The following AGBL1 variants were observed in gnomAD, a reference collection of about 807,000 sequenced individuals.
AGBL1 encodes the protein cytosolic carboxypeptidase 4.
Under a neutral mutation model 118.9 loss-of-function variants are expected in AGBL1, and 130 were observed. The observed-to-expected ratio is 1.09, with a 90% CI of 0.95 to 1.26. AGBL1 has a LOEUF of 1.26. Ranked by LOEUF, AGBL1 falls within the 50% of genes most tolerant of loss-of-function variation. The probability of loss-of-function intolerance (pLI) is 0.00; values close to 1 mark genes in which losing one functional copy is unlikely to be tolerated. For missense variants in AGBL1, 1,584 were observed against 1,298.1 expected, an observed-to-expected ratio of 1.22 and a Z score of -3.38; for synonymous variants, 555 against 478.9, an observed-to-expected ratio of 1.16 and a Z score of -2.08.
chr15:86,234,237 C>G (rs2078501376), intron 6 of AGBL1, among the ~76,000 whole-genome samples: 1 of 151,992 alleles, frequency 6.6e-6, no homozygotes, highest in African/African-American at 2.4e-5. Flanking sequence ...TCCCTGTAAG[C>G]TCAGAACTCT....
At chr15:86,393,771 C>T (rs575372077) in intron 17 of AGBL1, among the ~76,000 whole-genome samples, 14 of 152,094 alleles carry the variant, frequency 9.2e-5, no homozygotes, top group African/African-American at 2.2e-4. Context: ...ATATGTATGT[C>T]CTCCCAAAAT....
rs111914137 is a variant in AGBL1, at chr15:86,883,430, G to C, written c.3159-23657G>C. On this transcript the variant is annotated intron_variant, in intron 22 of 22. Coordinates refer to ENST00000614907, the MANE Select transcript of AGBL1 (RefSeq NM_001386094.1). ...TCTCCCATAATGCAGGATTTTGTGT[G>C]TGTGAGTCTTCTCCCTGTAGTGTCC... Among the ~76,000 whole-genome samples, 12 of 152,302 alleles carry C rather than the reference G, an allele frequency of 7.9e-5. 2 individuals are homozygous for C. The highest frequency in any genetic ancestry group is 2.9e-4 in the African/African-American group (12 of 41,570).
chr15:86,289,523 T>C (rs1314149583), intron 16 of AGBL1, among the ~76,000 whole-genome samples: 1 of 152,216 alleles, frequency 6.6e-6, no homozygotes, highest in Non-Finnish European at 1.5e-5. Context: ...ATGATGTTTT[T>C]ATGTGCCTTT....
Position 86,154,470 on chromosome 15 carries a change from T to C in AGBL1, c.303T>C (p.Leu101=). 6.2e-7 allele frequency: 1 copy of C among 1,613,006 alleles called. No homozygotes were observed. The highest frequency in any genetic ancestry group is 8.5e-7 in the Non-Finnish European group (1 of 1,179,494). The change falls in exon 4 of 23, where the codon CTT becomes CTC. Residue 101 remains leucine (L), a synonymous_variant. Transcript: ENST00000614907. ...IGRKALELEA[L]DVTLILARKN... is the part of the protein sequence containing the mutation. ...GGAAGGCCCTAGAATTGGAAGCACT[T>C]GATGTGACATTGATTCTGGCCAGGA...
chr15:86,234,621 G>C (rs1307061642), intron 6 of AGBL1, among the ~76,000 whole-genome samples: 2 of 151,666 alleles, frequency 1.3e-5, no homozygotes, highest in Non-Finnish European at 2.9e-5. Context: ...TCACTGTGCA[G>C]GCTCTGGAAA....
chr15:86,114,219 A>G (rs1328956222), intron 1 of AGBL1, among the ~76,000 whole-genome samples: 1 of 152,210 alleles, frequency 6.6e-6, no homozygotes, highest in East Asian at 1.9e-4. Context: ...AAATATTAAG[A>G]TGATGTTATA....
chr15:86,503,115 T>C (rs1391073306), intron 18 of AGBL1, among the ~76,000 whole-genome samples: 1 of 151,574 alleles, frequency 6.6e-6, no homozygotes, highest in Non-Finnish European at 1.5e-5. Flanking sequence ...AATTCAATCT[T>C]TTATTTATTA....
chr15:86,435,579 T>C (rs2142045414), intron 18 of AGBL1, among the ~76,000 whole-genome samples: 1 of 152,340 alleles, frequency 6.6e-6, no homozygotes, highest in African/African-American at 2.4e-5. Flanking sequence ...TTCTGTGTCA[T>C]TTTATTAAAA....
chr15:86,150,830 A>C (rs1389357849), intron 3 of AGBL1, among the ~76,000 whole-genome samples: 1 of 152,178 alleles, frequency 6.6e-6, no homozygotes, highest in East Asian at 1.9e-4. Context: ...GAATTTTAGA[A>C]CAATATCCCT....
At chr15:86,230,388 G>A (rs1340613650) in intron 6 of AGBL1, among the ~76,000 whole-genome samples, 1 of 152,232 alleles carries the variant, frequency 6.6e-6, no homozygotes, top group Non-Finnish European at 1.5e-5. Context: ...GTTCCAAGGA[G>A]TCCTCAGAAT....
chr15:86,421,381 A>G (rs1413540324), intron 18 of AGBL1, among the ~76,000 whole-genome samples: 1 of 152,212 alleles, frequency 6.6e-6, no homozygotes, highest in Non-Finnish European at 1.5e-5. Context: ...GGAGAATAAA[A>G]TCCTTTACAA....
At chr15:86,310,643 C>T (rs2079906683) in intron 17 of AGBL1, among the ~76,000 whole-genome samples, 1 of 152,044 alleles carries the variant, frequency 6.6e-6, no homozygotes, top group South Asian at 2.1e-4. Flanking sequence ...TTCGCAGGGG[C>T]TGAACGAGCA....
intron 21 of AGBL1, among the ~76,000 whole-genome samples, chr15:86,659,665 C>A (rs112675742): frequency 0.018 from 2,716 of 152,244 alleles, 35 homozygotes; most frequent in Non-Finnish European, 0.03. Context: ...ATAACCTAAT[C>A]TTTCTTAGGT....
At chr15:86,589,853 G>A (rs1477964113) in intron 21 of AGBL1, among the ~76,000 whole-genome samples, 1 of 152,026 alleles carries the variant, frequency 6.6e-6, no homozygotes, top group East Asian at 1.9e-4. Context: ...GAGACATCAT[G>A]TCCTTTTAGT....
chr15:86,689,939 G>T (rs1369853172), intron 22 of AGBL1, among the ~76,000 whole-genome samples: 1 of 152,132 alleles, frequency 6.6e-6, no homozygotes, highest in East Asian at 1.9e-4. Context: ...TGAGCTTAAG[G>T]CTCTGTGTGC....
intron 5 of AGBL1, among the ~76,000 whole-genome samples, chr15:86,171,562 A>G (rs1181818245): frequency 2.0e-5 from 3 of 152,198 alleles, no homozygotes; most frequent in Non-Finnish European, 4.4e-5. Flanking sequence ...AGAAGCCAGG[A>G]AAAGAGAAAA....
Position 86,936,085 on chromosome 15 carries a change from C to T in AGBL1, c.3222-51902C>T, listed in dbSNP as rs568290697. 8.1e-4 allele frequency among the ~76,000 whole-genome samples: 124 copies of T among 152,338 alleles called. 1 individual carries two copies. Among genetic ancestry groups the T allele is most frequent in the African/African-American group, 2.9e-3 (122 of 41,586 alleles). On this transcript the variant is annotated intron_variant, in intron 23 of 24. Coordinates refer to the AGBL1 transcript ENST00000441037. ...GGATGGGTCTCACAGGCGGGCTGCT[C>T]GGCAGGTGCAGCCCTGGTGCCCAGG... is the stretch of plus-strand genomic sequence containing the variant.
At chr15:86,649,601 G>A (rs1008751155) in intron 21 of AGBL1, among the ~76,000 whole-genome samples, 3 of 151,900 alleles carry the variant, frequency 2.0e-5, no homozygotes, top group Non-Finnish European at 1.5e-5. Context: ...TAGATTGGCT[G>A]ATCATATCAG....
At chr15:86,620,627 A>T (rs1268538148) in intron 21 of AGBL1, among the ~76,000 whole-genome samples, 1 of 152,100 alleles carries the variant, frequency 6.6e-6, no homozygotes, top group African/African-American at 2.4e-5. Context: ...CTCTGCATGC[A>T]TTACTTTTGT....
Sources: gnomAD v4.1 joint callset for allele counts (sites outside exome capture counted in the v4.1 genomes callset) on GRCh38, gnomAD v4.1.1 for gene constraint, MANE v1.5 for transcripts, NCBI Gene and HGNC (gene_info 2026-07-23, HGNC 2026-07-21) for gene names.